ERBB4: variants seen among roughly 807,000 people sequenced by gnomAD.
The protein encoded by ERBB4 is erb-b2 receptor tyrosine kinase 4.
In ERBB4, 42 loss-of-function variants were observed where a neutral mutation model predicts 158.0. The ratio of observed to expected loss-of-function variants is 0.27; its 90% CI spans 0.21 to 0.34. The LOEUF is 0.34. Among genes scored for constraint, ERBB4 ranks in the 10% least tolerant of loss-of-function variants. The pLI is 1.00. For missense variants in ERBB4, 1,333 were observed against 1,624.1 expected, an observed-to-expected ratio of 0.82 and a Z score of 3.08; for synonymous variants, 583 against 558.7, an observed-to-expected ratio of 1.04 and a Z score of -0.61.
At chr2:211,491,555 C>G (rs527352578) in intron 20 of ERBB4, among the ~76,000 whole-genome samples, 16 of 151,906 alleles carry the variant, frequency 1.1e-4, no homozygotes, top group Admixed American at 2.6e-4. Flanking sequence ...TATAAAACTA[C>G]GTACATCATT....
At chr2:211,542,615 A>G (rs966903713) in intron 20 of ERBB4, among the ~76,000 whole-genome samples, 12 of 152,038 alleles carry the variant, frequency 7.9e-5, no homozygotes, top group African/African-American at 2.7e-4. Flanking sequence ...ATTTTATTCC[A>G]TTCACTTTAG....
intron 25 of ERBB4, among the ~76,000 whole-genome samples, chr2:211,401,438 A>C (rs1467607798): frequency 6.6e-6 from 1 of 151,904 alleles, no homozygotes; most frequent in Non-Finnish European, 1.5e-5. Context: ...TCCTAATAAG[A>C]TATATCTCAG....
chr2:211,619,020 T>C (rs1328882324), intron 19 of ERBB4, among the ~76,000 whole-genome samples, 157 bp downstream of exon 19: 1 of 152,100 alleles, frequency 6.6e-6, no homozygotes, highest in Non-Finnish European at 1.5e-5. Flanking sequence ...TATAATACAA[T>C]GTGAATTGGT....
At chr2:211,846,917 C>A (rs2077602990) in intron 3 of ERBB4, among the ~76,000 whole-genome samples, 1 of 152,110 alleles carries the variant, frequency 6.6e-6, no homozygotes, top group Non-Finnish European at 1.5e-5. Flanking sequence ...AAAGAGCTGT[C>A]CAGCACAGCA....
chr2:212,475,203 C>A (rs1689324266), intron 1 of ERBB4, among the ~76,000 whole-genome samples: 1 of 152,158 alleles, frequency 6.6e-6, no homozygotes, highest in African/African-American at 2.4e-5. Flanking sequence ...GACAGGCAAC[C>A]TGTGCAGTCA....
At chr2:212,361,354 A>G (rs2089679533) in intron 1 of ERBB4, among the ~76,000 whole-genome samples, 1 of 151,674 alleles carries the variant, frequency 6.6e-6, no homozygotes, top group Admixed American at 6.6e-5. Context: ...ATACTGATGA[A>G]GCAGTGACAT....
intron 2 of ERBB4, among the ~76,000 whole-genome samples, chr2:212,018,248 T>A (rs987649851): frequency 6.6e-6 from 1 of 152,126 alleles, no homozygotes; most frequent in African/African-American, 2.4e-5. Context: ...GACTAGGATA[T>A]CACATCTTCA....
chr2:212,279,764 A>T (rs1343850947), intron 1 of ERBB4, among the ~76,000 whole-genome samples: 1 of 151,606 alleles, frequency 6.6e-6, no homozygotes, highest in African/African-American at 2.4e-5. Flanking sequence ...TGAAACAGAC[A>T]TTTCTTTTTA....
At chr2:212,255,988 G>A (rs1339036240) in intron 1 of ERBB4, among the ~76,000 whole-genome samples, 2 of 99,434 alleles carry the variant, frequency 2.0e-5, no homozygotes, top group Middle Eastern at 5.9e-3. Context: ...TCCTGGCTAA[G>A]TTTTATTTAT....
intron 1 of ERBB4, among the ~76,000 whole-genome samples, chr2:212,501,106 C>T (rs527922943): frequency 2.0e-5 from 3 of 152,260 alleles, no homozygotes. Flanking sequence ...CATTTGTACA[C>T]AGCAAATAAC....
chr2:211,701,864 G>C lies in ERBB4; in HGVS notation c.1489+103C>G, dbSNP rs1051764495. On this transcript the variant is annotated intron_variant, in intron 12 of 27. Coordinates refer to ENST00000342788, the MANE Select transcript of ERBB4 (RefSeq NM_005235.3). ...TTCCTTTTTAAGGGTTGGGATAACA[G>C]AGCAACAATTCTGACCGGATGTTAT... is the stretch of plus-strand genomic sequence containing the variant. The C allele has an allele frequency of 7.3e-6, 6 of 826,516 alleles. No individual in the cohort carries two copies. In the African/African-American group the frequency reaches 8.5e-5, roughly 12 times the overall value. 51.2% of individuals were successfully genotyped at this position (826,516 alleles called of 1,614,324 possible).
intron 15 of ERBB4, among the ~76,000 whole-genome samples, chr2:211,658,770 A>C (rs2071313579): frequency 6.6e-6 from 1 of 152,194 alleles, no homozygotes; most frequent in Non-Finnish European, 1.5e-5. Flanking sequence ...TAAGTAAAGA[A>C]TACAGTGAGA....
At position 211,476,793 on chromosome 2, in the gene ERBB4, C is replaced by T. The variant is rs533566495; in HGVS notation, c.2488-45693G>A. 2.6e-5 allele frequency among the ~76,000 whole-genome samples: 4 copies of T among 152,176 alleles called. No homozygotes were observed. In the South Asian group the frequency reaches 8.3e-4, roughly 32 times the overall value. On this transcript the variant is annotated intron_variant, in intron 20 of 27. Coordinates refer to ENST00000342788, the MANE Select transcript of ERBB4 (RefSeq NM_005235.3). ...TTGTGCCTCTAGATCCAACTAGTAG[C>T]TTAGAAGGAAGGCATAAAACACAGG...
intron 1 of ERBB4, among the ~76,000 whole-genome samples, chr2:212,202,156 C>T (rs1043662941): frequency 6.6e-6 from 1 of 152,070 alleles, no homozygotes; most frequent in Non-Finnish European, 1.5e-5. Context: ...TCCCTCCCTT[C>T]ATTTAAATGG....
chr2:212,330,987 G>A (rs1447902498), intron 1 of ERBB4, among the ~76,000 whole-genome samples: 1 of 145,420 alleles, frequency 6.9e-6, no homozygotes, highest in African/African-American at 2.5e-5. Context: ...AGAAGGATCT[G>A]AAGCCAAAGT....
chr2:212,049,458 T>C (rs534083149), intron 2 of ERBB4, among the ~76,000 whole-genome samples: 14 of 152,290 alleles, frequency 9.2e-5, no homozygotes, highest in African/African-American at 3.4e-4. Context: ...TATGCTCTAA[T>C]CTGTTATGAG....
chr2:211,866,722 C>T (rs2078214568), intron 3 of ERBB4, among the ~76,000 whole-genome samples: 1 of 152,076 alleles, frequency 6.6e-6, no homozygotes, highest in Non-Finnish European at 1.5e-5. Context: ...AAAGTATTAT[C>T]TAAGCTTGTC....
intron 20 of ERBB4, among the ~76,000 whole-genome samples, chr2:211,498,456 T>C (rs555022393): frequency 6.6e-6 from 1 of 152,256 alleles, no homozygotes; most frequent in East Asian, 1.9e-4. Context: ...TAACAAATCT[T>C]ATCAGAACAA....
intron 3 of ERBB4, among the ~76,000 whole-genome samples, chr2:211,935,798 C>T (rs1310410266): frequency 6.6e-6 from 1 of 152,000 alleles, no homozygotes; most frequent in South Asian, 2.1e-4. Context: ...TCTGGAGACC[C>T]CTAACTAATA....
Sources: gnomAD v4.1 joint callset for allele counts (sites outside exome capture counted in the v4.1 genomes callset) on GRCh38, gnomAD v4.1.1 for gene constraint, MANE v1.5 for transcripts, NCBI Gene and HGNC (gene_info 2026-07-23, HGNC 2026-07-21) for gene names.